COL13A1: variants seen among roughly 807,000 people sequenced by gnomAD.
The protein encoded by COL13A1 is collagen type XIII alpha 1 chain, also known as collagen alpha-1(XIII) chain.
A neutral mutation model predicts 130.9 loss-of-function variants in COL13A1; 89 were observed. The ratio of observed to expected loss-of-function variants is 0.68; its 90% CI spans 0.57 to 0.81. The LOEUF (loss-of-function observed/expected upper bound fraction) is 0.81. COL13A1 is among the 30% of genes least tolerant of loss of function. The pLI is 0.00. For missense variants in COL13A1, 879 were observed against 934.6 expected (o/e 0.94, Z 0.78); for synonymous variants, 402 against 341.6 (o/e 1.18, Z -1.95).
At chr10:69,942,746 G>A (rs1004608052) in intron 35 of COL13A1, among the ~76,000 whole-genome samples, 4 of 152,206 alleles carry the variant, frequency 2.6e-5, no homozygotes, top group South Asian at 2.1e-4. Flanking sequence ...ACCGACACTC[G>A]GCAAGGCTAA....
At chr10:69,882,089 T>C (rs933374337) in intron 7 of COL13A1, among the ~76,000 whole-genome samples, 17 of 152,266 alleles carry the variant, frequency 1.1e-4, no homozygotes, top group African/African-American at 4.1e-4. Context: ...CCTGGCCAAA[T>C]TGGTCCTGAT....
rs533565061 is a variant in COL13A1, at chr10:69,848,655, C to A, written c.365-19143C>A. On this transcript the variant is annotated intron_variant, in intron 2 of 40. Coordinates refer to ENST00000645393, the MANE Select transcript of COL13A1 (RefSeq NM_001368882.1). Reference sequence around the variant, plus strand: ...CACCGTCCTCTCACCTGTCGCCTGACTCACCTGCCTTCCCCACGCCACACT... The same window carrying A: ...CACCGTCCTCTCACCTGTCGCCTGAATCACCTGCCTTCCCCACGCCACACT... 5.9e-5 allele frequency among the ~76,000 whole-genome samples: 9 copies of A among 152,372 alleles called. No individual in the cohort carries two copies. The South Asian group carries it at 1.9e-3, about 32-fold the overall frequency.
chr10:69,913,423 A>C (rs2063588911), intron 17 of COL13A1, among the ~76,000 whole-genome samples: 1 of 152,176 alleles, frequency 6.6e-6, no homozygotes, highest in Non-Finnish European at 1.5e-5. Context: ...GACAGTGATG[A>C]GTGAGTGGAT....
At chr10:69,827,082 T>C (rs1847682184) in intron 2 of COL13A1, among the ~76,000 whole-genome samples, 1 of 152,104 alleles carries the variant, frequency 6.6e-6, no homozygotes, top group Admixed American at 6.5e-5. Context: ...AAAACAGATA[T>C]CAAAGAACAA....
chr10:69,826,021 C>G (rs1480535987), intron 2 of COL13A1, among the ~76,000 whole-genome samples: 2 of 152,200 alleles, frequency 1.3e-5, no homozygotes, highest in Non-Finnish European at 2.9e-5. Flanking sequence ...ATTTGCACAG[C>G]ATATGGCCTG....
At chr10:69,956,879 C>A in intron 39 of COL13A1, 125 bp from the exon 40 acceptor site, 1 of 705,052 alleles carries the variant, frequency 1.4e-6, no homozygotes, top group Non-Finnish European at 2.6e-6. Context: ...AAGAAATAGA[C>A]AAGCGTGGGT....
chr10:69,928,100 C>T (rs2065616865), intron 27 of COL13A1, among the ~76,000 whole-genome samples: 2 of 152,252 alleles, frequency 1.3e-5, no homozygotes, highest in African/African-American at 2.4e-5. Flanking sequence ...TGCAGTGAGT[C>T]GAGACTGCAC....
intron 2 of COL13A1, among the ~76,000 whole-genome samples, chr10:69,837,559 C>T (rs1850433721): frequency 6.6e-6 from 1 of 152,218 alleles, no homozygotes; most frequent in Non-Finnish European, 1.5e-5. Flanking sequence ...AAGCCACCAC[C>T]CACCACACAA....
intron 3 of COL13A1, 138 bp from the exon 4 acceptor site, chr10:69,872,046 C>G (rs181164971): frequency 1.4e-5 from 13 of 947,366 alleles, no homozygotes; most frequent in Non-Finnish European, 2.1e-5. Flanking sequence ...GATCAAGGCT[C>G]CCCCTTCGTT....
chr10:69,953,888 C>T (rs1163100182), intron 39 of COL13A1: 1 of 152,692 alleles, frequency 6.5e-6, no homozygotes, highest in African/African-American at 2.4e-5. Context: ...CCTCTCTATT[C>T]CATGGTTGGA....
intron 26 of COL13A1, chr10:69,926,094 CTCTG>C: frequency 3.6e-6 from 2 of 548,898 alleles, no homozygotes; most frequent in Non-Finnish European, 6.5e-6. Flanking sequence ...GGCCGGGGCT[CTCTG>C]TCTGGGCCCA....
chr10:69,889,469 A>C, intron 10 of COL13A1, 29 bp downstream of exon 10: 1 of 1,608,406 alleles, frequency 6.2e-7, no homozygotes, highest in Non-Finnish European at 8.5e-7. Flanking sequence ...TGCCTTCCCG[A>C]GATGGGTGGG....
rs1403650193 is a variant in COL13A1, at chr10:69,805,905, G to A, written c.294+3188G>A. Among the ~76,000 whole-genome samples, 4 of 152,364 alleles carry A rather than the reference G, an allele frequency of 2.6e-5. No homozygotes were observed. The South Asian group carries it at 8.3e-4, about 32-fold the overall frequency. ...TACAAAACAATTCTCCAAAATGGAG[G>A]TGCAGAAGGTCCCTGTCCTCATGGG... is the stretch of plus-strand genomic sequence containing the variant. On this transcript the variant is annotated intron_variant, in intron 1 of 40. Transcript: ENST00000645393.
At position 69,945,802 on chromosome 10, in the gene COL13A1, G is replaced by A. The variant is rs1302986057; in HGVS notation, c.2022+78G>A. On this transcript the variant is annotated intron_variant, in intron 37 of 40. Coordinates refer to ENST00000645393, the MANE Select transcript of COL13A1 (RefSeq NM_001368882.1). ...AAATACCCACGGCCGGCCGGGCATG[G>A]TGGCTCACACCTGTAATCCCAGCAC... 13 of 1,539,650 alleles carry A rather than the reference G, an allele frequency of 8.4e-6. No homozygotes were observed. The East Asian group carries it at 2.4e-4, about 29-fold the overall frequency.
rs746019195 is a variant in COL13A1 at position 69,898,692 on chromosome 10, C to T, written c.685-5C>T. 1.9e-6 allele frequency: 3 copies of T among 1,612,724 alleles called. No homozygotes were observed. The South Asian group carries it at 3.3e-5, about 18-fold the overall frequency. On this transcript the variant is annotated splice_region_variant and splice_polypyrimidine_tract_variant and intron_variant, in intron 13 of 40. Transcript: ENST00000645393. The stretch of plus-strand genomic sequence containing the variant: ...TCTGGCCCTCCAACTCATCTTTCTC[C>T]TCAGCTGCTGCCTCTCCTCAATTCA...
chr10:69,802,156 C>T lies in COL13A1; in HGVS notation c.-268C>T, dbSNP rs1342578641. On this transcript the variant is annotated 5_prime_UTR_variant, in exon 1 of 41. Coordinates refer to ENST00000645393, the MANE Select transcript of COL13A1 (RefSeq NM_001368882.1). ...GGAGAGAAGGAGAGCCGGTCAGATT[C>T]CCCTAACTTTCCTGGACTTGGAACG... 2.3e-6 allele frequency: 1 copy of T among 426,022 alleles called. No individual in the cohort carries two copies. The highest frequency in any genetic ancestry group is 4.1e-6 in the Non-Finnish European group (1 of 244,746). 26.4% of individuals were successfully genotyped at this position (426,022 alleles called of 1,614,324 possible).
rs774254142 is a variant in COL13A1, at chr10:69,927,074, G to A, written c.1399-13G>A. 2 of 1,613,740 alleles carry A rather than the reference G, an allele frequency of 1.2e-6. No individual in the cohort carries two copies. Among genetic ancestry groups the A allele is most frequent in the African/African-American group, 1.3e-5 (1 of 74,912 alleles). On this transcript the variant is annotated splice_polypyrimidine_tract_variant and intron_variant, in intron 26 of 40. Coordinates refer to ENST00000645393, the MANE Select transcript of COL13A1 (RefSeq NM_001368882.1). ...TTTGCTCTTCAACTGATTGCCTGGT[G>A]TTGGTTTTTTAGGAGATCCGGACGC...
chr10:69,803,211 C>T (rs946446148), intron 1 of COL13A1, among the ~76,000 whole-genome samples: 9 of 152,190 alleles, frequency 5.9e-5, no homozygotes, highest in African/African-American at 9.6e-5. Context: ...GGGGGTGGTG[C>T]CCTGGTCTCT....
At chr10:69,872,254 T>C in intron 4 of COL13A1, 44 bp downstream of exon 4, 1 of 1,611,930 alleles carries the variant, frequency 6.2e-7, no homozygotes, top group Non-Finnish European at 8.5e-7. Context: ...CTCTTTTACG[T>C]GCTTTTCTCA....
Sources: allele counts gnomAD v4.1 joint callset (sites outside exome capture counted in the v4.1 genomes callset), GRCh38; gene constraint gnomAD v4.1.1; transcripts MANE v1.5; gene names NCBI Gene and HGNC (gene_info 2026-07-23, HGNC 2026-07-21).